The following ACACA variants were observed in gnomAD, a reference collection of about 807,000 sequenced individuals.
The protein encoded by ACACA is acetyl-CoA carboxylase 1.
In ACACA, 103 loss-of-function variants were observed where a neutral mutation model predicts 296.1. The ratio of observed to expected loss-of-function variants is 0.35; its 90% CI spans 0.30 to 0.41. ACACA has a LOEUF of 0.41. Among genes scored for constraint, ACACA ranks in the 10% least tolerant of loss-of-function variants. The pLI, the probability that ACACA is intolerant of heterozygous loss-of-function variation, is 1.00. For synonymous variants in ACACA, 953 were observed against 1,038.6 expected (o/e 0.92, Z 1.58); for missense variants, 1,554 against 2,989.7 (o/e 0.52, Z 11.20).
intron 29 of ACACA, among the ~76,000 whole-genome samples, chr17:37,217,752 A>ACAAAC (rs534811982): frequency 2.3e-4 from 31 of 132,496 alleles, no homozygotes; most frequent in South Asian, 4.9e-4. Context: ...AAAAAAAAAA[A>ACAAAC]AAAAAAAAAA....
intron 41 of ACACA, among the ~76,000 whole-genome samples, chr17:37,175,370 C>T (rs937431342): frequency 3.3e-5 from 5 of 152,142 alleles, no homozygotes; most frequent in Non-Finnish European, 7.4e-5. Flanking sequence ...TACTGGATTG[C>T]GAACTGTTAC....
Position 37,166,566 on chromosome 17 carries a change from T to C in ACACA, c.5080-4516A>G, listed in dbSNP as rs147665573. 3.0e-3 allele frequency among the ~76,000 whole-genome samples: 462 copies of C among 152,360 alleles called. 3 individuals carry two copies. The South Asian group carries it at 0.033, about 11-fold the overall frequency. ...AACTATTTTATTTTAAAAATAACAA[T>C]AGCTATCATAATAACTACCATTAAT... On this transcript the variant is annotated intron_variant, in intron 41 of 55. Coordinates refer to ENST00000616317, the MANE Select transcript of ACACA (RefSeq NM_198834.3).
At chr17:37,341,407 G>A (rs1346038339) in intron 1 of ACACA, among the ~76,000 whole-genome samples, 1 of 152,060 alleles carries the variant, frequency 6.6e-6, no homozygotes, top group Non-Finnish European at 1.5e-5. Flanking sequence ...AAGTCTTAAA[G>A]CGGCCAGATG....
chr17:37,180,727 T>C (rs1262112507), intron 40 of ACACA, among the ~76,000 whole-genome samples: 2 of 152,220 alleles, frequency 1.3e-5, no homozygotes, highest in Non-Finnish European at 2.9e-5. Flanking sequence ...ACTTATACTC[T>C]AAACTGTGTA....
At chr17:37,361,466 ATTATT>A (rs2147609489) in intron 1 of ACACA, among the ~76,000 whole-genome samples, 1 of 152,242 alleles carries the variant, frequency 6.6e-6, no homozygotes, top group East Asian at 1.9e-4. Context: ...GACTTCACTG[ATTATT>A]TTAAATAATT....
intron 1 of ACACA, among the ~76,000 whole-genome samples, chr17:37,380,210 G>A (rs1294269755): frequency 5.4e-5 from 8 of 147,176 alleles, no homozygotes; most frequent in Non-Finnish European, 1.2e-4. Context: ...TCACTCATAG[G>A]TGGGAATTGA....
chr17:37,263,339 T>G (rs1011525059), intron 11 of ACACA, among the ~76,000 whole-genome samples: 2 of 152,156 alleles, frequency 1.3e-5, no homozygotes, highest in African/African-American at 4.8e-5. Context: ...GCTGAAGACT[T>G]GATGATACTC....
rs576755255 is a variant in ACACA, at chr17:37,191,337, A to G, written c.4417-62T>C. 2.9e-4 allele frequency: 429 copies of G among 1,485,386 alleles called. 1 individual carries two copies. In the African/African-American group the frequency reaches 5.6e-3, roughly 19 times the overall value. 92.0% of individuals were successfully genotyped at this position (1,485,386 alleles called of 1,614,324 possible). On this transcript the variant is annotated intron_variant, in intron 37 of 55. Coordinates refer to ENST00000616317, the MANE Select transcript of ACACA (RefSeq NM_198834.3). The stretch of plus-strand genomic sequence containing the variant: ...TAAAAGAGGCAATAAAGAAATGGCT[A>G]TTATAATCACTTAAGCAGCAGTATA...
chr17:37,192,962 G>C (rs2077824838), intron 36 of ACACA, among the ~76,000 whole-genome samples: 1 of 152,162 alleles, frequency 6.6e-6, no homozygotes, highest in Non-Finnish European at 1.5e-5. Context: ...AATGGAGAGA[G>C]AGAGTCAAAT....
intron 3 of ACACA, among the ~76,000 whole-genome samples, chr17:37,316,333 A>ACACACACC (rs987022083): frequency 8.0e-4 from 120 of 149,670 alleles, no homozygotes; most frequent in African/African-American, 2.9e-3. Context: ...ACACACACAC[A>ACACACACC]CCCCTAACTT....
chr17:37,143,907 TC>T, intron 45 of ACACA: 2 of 1,478,654 alleles, frequency 1.4e-6, no homozygotes, highest in Non-Finnish European at 1.9e-6. Context: ...TCCACATCTC[TC>T]CCAGTTTCTT....
chr17:37,192,328 A>G (rs2077792906), intron 36 of ACACA, 23 bp from the exon 37 acceptor site: 2 of 1,608,782 alleles, frequency 1.2e-6, no homozygotes, highest in Admixed American at 1.7e-5. Flanking sequence ...ATCAGAGAAA[A>G]AACAGCTCAC....
At chr17:37,251,311 C>T (rs2080983835) in intron 16 of ACACA, among the ~76,000 whole-genome samples, 2 of 152,150 alleles carry the variant, frequency 1.3e-5, no homozygotes. Context: ...ATGAGAGTAA[C>T]ATAGTGAAAG....
At chr17:37,209,206 A>ATGGT (rs1422742031) in intron 30 of ACACA, among the ~76,000 whole-genome samples, 1 of 152,214 alleles carries the variant, frequency 6.6e-6, no homozygotes, top group African/African-American at 2.4e-5. Flanking sequence ...AGTCTTACAC[A>ATGGT]TGGTGCTCAC....
intron 1 of ACACA, among the ~76,000 whole-genome samples, chr17:37,344,637 T>G (rs564129458): frequency 1.6e-4 from 25 of 151,804 alleles, no homozygotes; most frequent in African/African-American, 4.1e-4. Context: ...AATTAAAAAG[T>G]CTGGGTAGAC....
intron 29 of ACACA, among the ~76,000 whole-genome samples, chr17:37,212,989 T>G (rs765792478): frequency 1.3e-5 from 2 of 151,076 alleles, no homozygotes; most frequent in Non-Finnish European, 2.9e-5. Context: ...GAAAATAAAA[T>G]TTGCCACATT....
Position 37,406,315 on chromosome 17 carries a change from C to T in ACACA, c.-16G>A, listed in dbSNP as rs1376954853. On this transcript the variant is annotated 5_prime_UTR_variant, in exon 1 of 56. Coordinates refer to ENST00000616317, the MANE Select transcript of ACACA (RefSeq NM_198834.3). ...ACCACCACATCCTCTCATCATTGCG[C>T]CTCAATTTGGGCCTCTGAAGCCCAA... 2 of 1,614,184 alleles carry T rather than the reference C, an allele frequency of 1.2e-6. No homozygotes were observed. Among genetic ancestry groups the T allele is most frequent in the South Asian group, 1.1e-5 (1 of 91,084 alleles).
At chr17:37,388,461 C>T (rs531825537) in intron 1 of ACACA, among the ~76,000 whole-genome samples, 2 of 151,954 alleles carry the variant, frequency 1.3e-5, no homozygotes, top group East Asian at 3.9e-4. Flanking sequence ...GAAGAGAGTG[C>T]AAAAGAAGTT....
chr17:37,310,342 A>G (rs2084072705), intron 3 of ACACA, among the ~76,000 whole-genome samples: 1 of 152,166 alleles, frequency 6.6e-6, no homozygotes, highest in Non-Finnish European at 1.5e-5. Flanking sequence ...TGAAGAAGAT[A>G]GGGGAAATCA....
Sources: allele counts gnomAD v4.1 joint callset (sites outside exome capture counted in the v4.1 genomes callset), GRCh38; gene constraint gnomAD v4.1.1; transcripts MANE v1.5; gene names NCBI Gene and HGNC (gene_info 2026-07-23, HGNC 2026-07-21).